Variants in SOX5 observed in about 807,000 individuals in gnomAD.
SOX5 encodes the protein SRY-box transcription factor 5, also known as transcription factor SOX-5.
SOX5 carries 9 observed loss-of-function variants against 92.0 expected under a neutral mutation model. That is an observed-to-expected ratio of 0.10 (90% CI 0.06 to 0.17). The LOEUF is 0.17. Among genes scored for constraint, SOX5 ranks in the 10% least tolerant of loss-of-function variants. SOX5 has a pLI of 1.00. For missense variants in SOX5, 642 were observed against 944.5 expected, an observed-to-expected ratio of 0.68 and a Z score of 4.20; for synonymous variants, 344 against 336.3, an observed-to-expected ratio of 1.02 and a Z score of -0.25.
chr12:24,526,568 G>A (rs1469102138), intron 1 of SOX5, among the ~76,000 whole-genome samples: 3 of 152,118 alleles, frequency 2.0e-5, no homozygotes, highest in Non-Finnish European at 4.4e-5. Flanking sequence ...ACAAGATCAC[G>A]AGCTGAGAAT....
chr12:24,352,887 G>T (rs1954268485), intron 2 of SOX5, among the ~76,000 whole-genome samples: 1 of 152,162 alleles, frequency 6.6e-6, no homozygotes, highest in Non-Finnish European at 1.5e-5. Context: ...GAATAAGTGT[G>T]CACGGGCCTC....
At chr12:23,699,296 C>T (rs1025654750) in intron 6 of SOX5, among the ~76,000 whole-genome samples, 4 of 152,122 alleles carry the variant, frequency 2.6e-5, no homozygotes, top group African/African-American at 9.7e-5. Context: ...ACTGTGGGCT[C>T]TCCTCATTTG....
chr12:23,931,791 T>C (rs1201988593), intron 1 of SOX5, among the ~76,000 whole-genome samples: 1 of 151,728 alleles, frequency 6.6e-6, no homozygotes, highest in Non-Finnish European at 1.5e-5. Context: ...GAACAAATGT[T>C]GTAGTTCTAA....
intron 8 of SOX5, among the ~76,000 whole-genome samples, chr12:23,611,985 T>G (rs1259407591): frequency 6.6e-6 from 1 of 151,990 alleles, no homozygotes; most frequent in Admixed American, 6.6e-5. Flanking sequence ...TACTGTATGA[T>G]AAAACATACT....
intron 10 of SOX5, among the ~76,000 whole-genome samples, chr12:23,570,767 C>T (rs1254914076): frequency 1.3e-5 from 2 of 150,484 alleles, no homozygotes; most frequent in Non-Finnish European, 3.0e-5. Context: ...AAAAATTAGC[C>T]GGGCGTGGTG....
intron 2 of SOX5, among the ~76,000 whole-genome samples, chr12:23,869,371 A>G (rs1263304017): frequency 6.6e-6 from 1 of 152,090 alleles, no homozygotes; most frequent in African/African-American, 2.4e-5. Context: ...CTTTGCTTGG[A>G]ATATCTTCCC....
chr12:24,335,187 G>C (rs1951752378), intron 2 of SOX5, among the ~76,000 whole-genome samples: 1 of 151,972 alleles, frequency 6.6e-6, no homozygotes, highest in Non-Finnish European at 1.5e-5. Flanking sequence ...TTCACCTCTA[G>C]GTTCTTTGAC....
chr12:23,783,922 C>T (rs1052500263), intron 3 of SOX5, among the ~76,000 whole-genome samples: 1 of 152,122 alleles, frequency 6.6e-6, no homozygotes, highest in African/African-American at 2.4e-5. Context: ...TCCTACCTGC[C>T]TTCATGGAGT....
rs142995018 is a variant in SOX5, at chr12:24,255,956, G to A, written c.-77+21260C>T. On this transcript the variant is annotated intron_variant, in intron 3 of 4. Transcript: ENST00000446891. ...AATAGCAAATAAAAGTGAAATCTGC[G>A]GCATTTTAAACCCCAAGTTGTTAAG... Among the ~76,000 whole-genome samples the A allele has an allele frequency of 2.5e-3, 386 of 152,184 alleles. 3 individuals are homozygous for A. The highest frequency in any genetic ancestry group is 8.7e-3 in the African/African-American group (363 of 41,522).
chr12:23,923,293 A>AATGAATGAATGAATG (rs1938978644), intron 1 of SOX5, among the ~76,000 whole-genome samples: 1 of 149,026 alleles, frequency 6.7e-6, no homozygotes, highest in East Asian at 2.0e-4. Context: ...ACCCAAAAAT[A>AATGAATGAATGAATG]AATGAATGAA....
chr12:24,293,518 A>C (rs1195905770), intron 2 of SOX5, among the ~76,000 whole-genome samples: 1 of 152,202 alleles, frequency 6.6e-6, no homozygotes, highest in Admixed American at 6.5e-5. Context: ...TCAACATAAC[A>C]TACAAATACT....
chr12:24,293,614 C>G (rs1275260157), intron 2 of SOX5, among the ~76,000 whole-genome samples: 1 of 152,138 alleles, frequency 6.6e-6, no homozygotes, highest in African/African-American at 2.4e-5. Flanking sequence ...AGAATCTTCA[C>G]AGATTATATA....
At chr12:24,145,297 AT>A (rs1192522745) in intron 4 of SOX5, among the ~76,000 whole-genome samples, 2 of 152,182 alleles carry the variant, frequency 1.3e-5, no homozygotes, top group Non-Finnish European at 2.9e-5. Context: ...AATGGGACAA[AT>A]AGAAAACAAA....
At chr12:24,031,034 G>T (rs559271345) in intron 4 of SOX5, among the ~76,000 whole-genome samples, 1 of 151,730 alleles carries the variant, frequency 6.6e-6, no homozygotes, top group Non-Finnish European at 1.5e-5. Context: ...TGAAAAAGAC[G>T]AAAGGTAACA....
intron 3 of SOX5, among the ~76,000 whole-genome samples, chr12:24,221,068 T>C (rs1960291073): frequency 6.6e-6 from 1 of 152,166 alleles, no homozygotes; most frequent in African/African-American, 2.4e-5. Flanking sequence ...AGAGCTGAGA[T>C]TTTAACTCAG....
Position 24,356,671 on chromosome 12 carries a change from TC to T in SOX5, c.-174+11891del, listed in dbSNP as rs144462872. Among the ~76,000 whole-genome samples, 903 of 152,262 alleles carry T rather than the reference TC, an allele frequency of 5.9e-3. 8 individuals carry two copies. The highest frequency in any genetic ancestry group is 0.021 in the African/African-American group (857 of 41,560). On this transcript the variant is annotated intron_variant, in intron 2 of 4. Coordinates refer to the SOX5 transcript ENST00000446891. ...CCTCTCAGTCTCAGCGCACCTCAGT[TC>T]CTACCAGAAGAATATGCAAGGACTT...
At chr12:24,213,011 A>G (rs1037547688) in intron 4 of SOX5, among the ~76,000 whole-genome samples, 1 of 150,574 alleles carries the variant, frequency 6.6e-6, no homozygotes, top group African/African-American at 2.5e-5. Context: ...TTTGATTCTT[A>G]AAAGTCATTA....
chr12:24,273,731 GTTTAT>G (rs1339418230), intron 3 of SOX5, among the ~76,000 whole-genome samples: 1 of 151,960 alleles, frequency 6.6e-6, no homozygotes, highest in African/African-American at 2.4e-5. Context: ...ATTACACTGA[GTTTAT>G]TTTGTTGTTT....
At chr12:24,135,441 G>A (rs144474233) in intron 4 of SOX5, among the ~76,000 whole-genome samples, 2,267 of 152,220 alleles carry the variant, frequency 0.015, 27 homozygotes, top group South Asian at 0.023. Flanking sequence ...CTCCAACCTC[G>A]TTCCTGTATA....
Sources: allele counts gnomAD v4.1 joint callset (sites outside exome capture counted in the v4.1 genomes callset), GRCh38; gene constraint gnomAD v4.1.1; transcripts MANE v1.5; gene names NCBI Gene and HGNC (gene_info 2026-07-23, HGNC 2026-07-21).